Variants in PTGR2 observed in about 807,000 individuals in gnomAD.
PTGR2 encodes the protein 15-oxoprostaglandin 13-reductase.
A neutral mutation model predicts 43.4 loss-of-function variants in PTGR2; 32 were observed. The observed-to-expected ratio is 0.74, with a 90% CI of 0.56 to 0.99. PTGR2 has a LOEUF of 0.99. Among genes scored for constraint, PTGR2 ranks in the 50% least tolerant of loss-of-function variants. The pLI is 0.00. For missense variants in PTGR2, 373 were observed against 420.0 expected (o/e 0.89, Z 0.98); for synonymous variants, 106 against 139.2 (o/e 0.76, Z 1.68).
intron 1 of PTGR2, among the ~76,000 whole-genome samples, chr14:73,854,310 C>T (rs937745819): frequency 1.3e-5 from 2 of 151,946 alleles, no homozygotes; most frequent in African/African-American, 2.4e-5. Flanking sequence ...CCATGTTGGC[C>T]AGGCTGGTCT....
At chr14:73,882,735 C>T (rs1479394140) in intron 9 of PTGR2, among the ~76,000 whole-genome samples, 2 of 147,094 alleles carry the variant, frequency 1.4e-5, no homozygotes, top group African/African-American at 5.0e-5. Flanking sequence ...CTCCTGACCT[C>T]GTGATCTGCC....
At position 73,851,886 on chromosome 14, in the gene PTGR2, GCAGTA is replaced by G. The variant is rs1228930858; in HGVS notation, c.-101_-97del. ...AGGCCTGGGGGCGAGCTGGGGTCGT[GCAGTA>G]CAGCCTCTTTCCGGCAAATCACGCG... On this transcript the variant is annotated 5_prime_UTR_variant, in exon 1 of 10. Transcript: ENST00000555661. The G allele has an allele frequency of 6.6e-6, 1 of 152,318 alleles. No homozygotes were observed. 9.4% of individuals were successfully genotyped at this position (152,318 alleles called of 1,614,324 possible). A position where few individuals can be genotyped will look rare whatever the true frequency, so the allele number is the denominator to read the frequency against.
chr14:73,859,164 G>A (rs2054429647), intron 2 of PTGR2, among the ~76,000 whole-genome samples: 1 of 152,102 alleles, frequency 6.6e-6, no homozygotes, highest in Non-Finnish European at 1.5e-5. Context: ...GAATCATAAT[G>A]TCTGAAAGGT....
intron 9 of PTGR2, among the ~76,000 whole-genome samples, 196 bp from the exon 10 acceptor site, chr14:73,883,905 T>G (rs969318573): frequency 6.6e-6 from 1 of 152,250 alleles, no homozygotes; most frequent in African/African-American, 2.4e-5. Flanking sequence ...GGCAAAACAT[T>G]TTTTTAAGAT....
chr14:73,873,494 C>G (rs1432820782), intron 3 of PTGR2, among the ~76,000 whole-genome samples: 1 of 148,396 alleles, frequency 6.7e-6, no homozygotes, highest in African/African-American at 2.5e-5. Flanking sequence ...GAGTTTCGCT[C>G]TTGTTGCCCA....
At chr14:73,875,121 A>G (rs776424921) in intron 4 of PTGR2, among the ~76,000 whole-genome samples, 1 of 152,108 alleles carries the variant, frequency 6.6e-6, no homozygotes, top group African/African-American at 2.4e-5. Flanking sequence ...TGGTCTCCCA[A>G]AGTGCTGGGA....
chr14:73,873,557 C>T (rs1024777056), intron 3 of PTGR2, among the ~76,000 whole-genome samples: 47 of 151,544 alleles, frequency 3.1e-4, no homozygotes, highest in South Asian at 8.3e-4. Flanking sequence ...CTCCACCTCC[C>T]GAGTTCAATT....
intron 3 of PTGR2, among the ~76,000 whole-genome samples, chr14:73,871,744 T>G (rs1331165197): frequency 6.6e-6 from 1 of 152,136 alleles, no homozygotes; most frequent in Admixed American, 6.5e-5. Flanking sequence ...GGTTGGTGTA[T>G]GGGGAAATAC....
chr14:73,879,838 T>C, intron 6 of PTGR2: 1 of 491,278 alleles, frequency 2.0e-6, no homozygotes, highest in Non-Finnish European at 3.7e-6. Flanking sequence ...TGTAATTCTT[T>C]TGCTGATTAC....
chr14:73,873,947 C>T, intron 3 of PTGR2, 76 bp from the exon 4 acceptor site: 3 of 1,119,736 alleles, frequency 2.7e-6, no homozygotes, highest in East Asian at 2.4e-5. Flanking sequence ...TCATTATATG[C>T]TTTTAGTCAT....
intron 3 of PTGR2, among the ~76,000 whole-genome samples, chr14:73,868,588 C>T (rs1054830944): frequency 2.6e-5 from 4 of 152,052 alleles, no homozygotes; most frequent in African/African-American, 9.7e-5. Flanking sequence ...AATCCAAAGC[C>T]CATATCCCTA....
chr14:73,862,268 C>G (rs557724573), intron 3 of PTGR2, among the ~76,000 whole-genome samples: 1 of 151,676 alleles, frequency 6.6e-6, no homozygotes, highest in Non-Finnish European at 1.5e-5. Context: ...AGTGCAGTGG[C>G]GCGATCTCGG....
chr14:73,872,794 T>G (rs1392192527), intron 3 of PTGR2, among the ~76,000 whole-genome samples: 1 of 151,624 alleles, frequency 6.6e-6, no homozygotes, highest in Admixed American at 6.6e-5. Flanking sequence ...CTGGCCAATA[T>G]GGCGAAACTC....
chr14:73,876,483 C>CTTTTTTTTTTTTTTTTTTTTTTTT (rs766810794), intron 4 of PTGR2, among the ~76,000 whole-genome samples: 3 of 108,562 alleles, frequency 2.8e-5, no homozygotes, highest in Non-Finnish European at 5.5e-5. Context: ...GACATAAGTC[C>CTTTTTTTTTTTTTTTTTTTTTTTT]TTTTTTTTTT....
chr14:73,881,417 T>A, intron 8 of PTGR2, 125 bp downstream of exon 8: 1 of 571,878 alleles, frequency 1.7e-6, no homozygotes, highest in Non-Finnish European at 3.1e-6. Flanking sequence ...AAAAGTATGC[T>A]GAATATTATA....
rs58234739 is a variant in PTGR2 at position 73,883,188 on chromosome 14, CTTTTTT to C, written c.979+777_979+782del. Among the ~76,000 whole-genome samples, 236 of 58,142 alleles carry C rather than the reference CTTTTTT, an allele frequency of 4.1e-3. 2 individuals are homozygous for C. The highest frequency in any genetic ancestry group is 0.018 in the African/African-American group (221 of 12,578). 38.1% of individuals were successfully genotyped at this position (58,142 alleles called of 152,430 possible). A position where few individuals can be genotyped will look rare whatever the true frequency, so the allele number is the denominator to read the frequency against. On this transcript the variant is annotated intron_variant, in intron 9 of 9. Transcript: ENST00000555661. ...CCTGCCCTTCCCTCCCCTCACCTCC[CTTTTTT>C]TTTTTTTTTTTTTTTTTTTTTTTTT...
chr14:73,852,538 A>C (rs1391328305), intron 1 of PTGR2, among the ~76,000 whole-genome samples: 8 of 152,168 alleles, frequency 5.3e-5, no homozygotes, highest in Non-Finnish European at 2.9e-5. Flanking sequence ...GGCGTGAGCC[A>C]TCGCGCCCGG....
At chr14:73,858,539 C>T (rs769235578) in intron 1 of PTGR2, 11 of 245,084 alleles carry the variant, frequency 4.5e-5, no homozygotes, top group Non-Finnish European at 8.2e-5. Context: ...GGCAACAGAG[C>T]GAGACTCCGT....
rs767364498 is a variant in PTGR2 at position 73,884,128 on chromosome 14, G to A, written c.1007G>A (p.Gly336Asp). ...GAAFQSMMTG[G>D]NIGKQIVCIS... ...GCATTCCAGTCCATGATGACAGGAGGTAACATTGGAAAGCAGATAGTTTGC... is the reference window on the plus strand; with the variant it reads ...GCATTCCAGTCCATGATGACAGGAGATAACATTGGAAAGCAGATAGTTTGC... Residue 336 changes from glycine to aspartate, a missense_variant, in exon 10 of 10, where the codon GGT becomes GAT. Transcript: ENST00000555661. 2.5e-6 allele frequency: 4 copies of A among 1,608,142 alleles called. No individual in the cohort carries two copies. Among genetic ancestry groups the A allele is most frequent in the Admixed American group, 1.7e-5 (1 of 59,450 alleles).
Sources: gnomAD v4.1 joint callset for allele counts (sites outside exome capture counted in the v4.1 genomes callset) on GRCh38, gnomAD v4.1.1 for gene constraint, MANE v1.5 for transcripts, NCBI Gene and HGNC (gene_info 2026-07-23, HGNC 2026-07-21) for gene names.